Variants in PCDH15 observed in about 807,000 individuals in gnomAD.
PCDH15 encodes protocadherin-15.
In PCDH15, 129 loss-of-function variants were observed where a neutral mutation model predicts 178.5. That is an observed-to-expected ratio of 0.72 (90% CI 0.63 to 0.84). The LOEUF (loss-of-function observed/expected upper bound fraction) is 0.84, where lower values mean the gene tolerates loss of function less well. Among genes scored for constraint, PCDH15 ranks in the 40% least tolerant of loss-of-function variants. PCDH15 has a pLI of 0.00. For synonymous variants in PCDH15, 800 were observed against 732.0 expected (o/e 1.09, Z -1.50); for missense variants, 2,230 against 2,099.9 (o/e 1.06, Z -1.21).
chr10:55,021,075 A>G (rs989032864), intron 2 of PCDH15, among the ~76,000 whole-genome samples: 10 of 152,344 alleles, frequency 6.6e-5, no homozygotes, highest in African/African-American at 2.4e-4. Context: ...AGAGAAAGGC[A>G]TAGACTTGTC....
chr10:54,421,866 CACACTATAT>C (rs1955486707), intron 3 of PCDH15, among the ~76,000 whole-genome samples: 1 of 78,228 alleles, frequency 1.3e-5, no homozygotes, highest in African/African-American at 6.5e-5. Flanking sequence ...TATATATACA[CACACTATAT>C]ATATATATAC....
intron 2 of PCDH15, among the ~76,000 whole-genome samples, chr10:54,932,148 C>G (rs1837794298): frequency 6.6e-6 from 1 of 152,134 alleles, no homozygotes; most frequent in Non-Finnish European, 1.5e-5. Flanking sequence ...AAAAAGTTAA[C>G]TGTAAAATAG....
intron 1 of PCDH15, among the ~76,000 whole-genome samples, chr10:55,172,275 T>A (rs1301027132): frequency 6.6e-6 from 1 of 152,022 alleles, no homozygotes; most frequent in Non-Finnish European, 1.5e-5. Flanking sequence ...TTTATTGGCA[T>A]TATTTCTTAA....
intron 2 of PCDH15, among the ~76,000 whole-genome samples, chr10:55,105,075 T>C (rs1298877872): frequency 1.3e-5 from 2 of 152,224 alleles, no homozygotes; most frequent in African/African-American, 2.4e-5. Context: ...GCTGCATTTT[T>C]ATGTTTGTTT....
chr10:54,136,708 C>T (rs963892831), intron 14 of PCDH15, among the ~76,000 whole-genome samples: 2 of 152,068 alleles, frequency 1.3e-5, no homozygotes, highest in Admixed American at 1.3e-4. Flanking sequence ...GTCACAGAGT[C>T]GAAAACTTTA....
intron 10 of PCDH15, among the ~76,000 whole-genome samples, chr10:54,202,275 T>C (rs1248232810): frequency 6.6e-6 from 1 of 151,994 alleles, no homozygotes; most frequent in African/African-American, 2.4e-5. Context: ...ACCTAGTTCT[T>C]AGAACCTGCT....
chr10:54,108,376 C>T (rs537780726), intron 15 of PCDH15, among the ~76,000 whole-genome samples: 1 of 152,228 alleles, frequency 6.6e-6, no homozygotes, highest in African/African-American at 2.4e-5. Flanking sequence ...CAGCACTGTT[C>T]TGTCACAGCA....
intron 2 of PCDH15, among the ~76,000 whole-genome samples, chr10:55,376,066 T>G (rs558513401): frequency 6.6e-6 from 1 of 152,162 alleles, no homozygotes; most frequent in African/African-American, 2.4e-5. Flanking sequence ...CTCAAAAGAT[T>G]ATTACAGAAA....
intron 26 of PCDH15, among the ~76,000 whole-genome samples, chr10:53,894,825 C>T (rs1410616658): frequency 1.3e-5 from 2 of 152,118 alleles, no homozygotes; most frequent in Non-Finnish European, 2.9e-5. Flanking sequence ...ATATCTGTGG[C>T]ACAGAGTGAT....
chr10:54,715,030 G>A (rs1321480844), intron 1 of PCDH15, among the ~76,000 whole-genome samples: 1 of 151,926 alleles, frequency 6.6e-6, no homozygotes, highest in Non-Finnish European at 1.5e-5. Flanking sequence ...GCACATATTT[G>A]TTTGCCAAGA....
At chr10:55,622,070 T>G (rs1237574367) in intron 2 of PCDH15, among the ~76,000 whole-genome samples, 1 of 131,826 alleles carries the variant, frequency 7.6e-6, no homozygotes, top group Non-Finnish European at 1.6e-5. Context: ...ATAATGTATA[T>G]ATAATATATA....
At chr10:54,624,828 T>A (rs2093495094) in intron 2 of PCDH15, among the ~76,000 whole-genome samples, 1 of 152,194 alleles carries the variant, frequency 6.6e-6, no homozygotes, top group African/African-American at 2.4e-5. Flanking sequence ...CTAATGAGAA[T>A]CTAATGCCTG....
intron 2 of PCDH15, among the ~76,000 whole-genome samples, chr10:54,911,896 T>G (rs2131835375): frequency 6.6e-6 from 1 of 152,326 alleles, no homozygotes; most frequent in Non-Finnish European, 1.5e-5. Context: ...ATTAAACCTC[T>G]TTTCTTCATA....
At chr10:54,819,030 T>A (rs1189392962) in intron 3 of PCDH15, among the ~76,000 whole-genome samples, 1 of 152,010 alleles carries the variant, frequency 6.6e-6, no homozygotes, top group Non-Finnish European at 1.5e-5. Context: ...GCTCAAGAAA[T>A]TCTCCTGTCT....
At chr10:53,937,485 T>C (rs1394726723) in intron 25 of PCDH15, among the ~76,000 whole-genome samples, 1 of 152,192 alleles carries the variant, frequency 6.6e-6, no homozygotes, top group East Asian at 1.9e-4. Context: ...TTGCCTGTAG[T>C]TTAAAGATTT....
At chr10:54,981,005 T>C (rs998032246) in intron 2 of PCDH15, among the ~76,000 whole-genome samples, 18 of 152,054 alleles carry the variant, frequency 1.2e-4, no homozygotes, top group African/African-American at 3.9e-4. Flanking sequence ...TTTGGGCCAC[T>C]TTGAAATGTG....
intron 6 of PCDH15, among the ~76,000 whole-genome samples, chr10:54,339,508 A>C (rs1941835857): frequency 6.6e-6 from 1 of 152,208 alleles, no homozygotes; most frequent in Admixed American, 6.5e-5. Context: ...AAGTTCCAAC[A>C]GATAATTCAA....
At chr10:55,197,747 G>GTGGTATAAGCAA (rs1209997064) in intron 1 of PCDH15, among the ~76,000 whole-genome samples, 4 of 152,022 alleles carry the variant, frequency 2.6e-5, no homozygotes, top group Non-Finnish European at 5.9e-5. Context: ...TTATCTTCTT[G>GTGGTATAAGCAA]AAATGATATA....
intron 15 of PCDH15, among the ~76,000 whole-genome samples, chr10:54,121,728 A>G (rs1590616648): frequency 6.6e-6 from 1 of 152,106 alleles, no homozygotes; most frequent in Non-Finnish European, 1.5e-5. Context: ...TCCTGGAAAC[A>G]CACAACCTCT....
Sources: allele counts gnomAD v4.1 joint callset (sites outside exome capture counted in the v4.1 genomes callset), GRCh38; gene constraint gnomAD v4.1.1; transcripts MANE v1.5; gene names NCBI Gene and HGNC (gene_info 2026-07-23, HGNC 2026-07-21).